PCDHA7: variants seen among roughly 807,000 people sequenced by gnomAD.
The protein encoded by PCDHA7 is protocadherin alpha 7, also known as protocadherin alpha-7.
In PCDHA7, 37 loss-of-function variants were observed where a neutral mutation model predicts 57.2. That is an observed-to-expected ratio of 0.65 (90% CI 0.50 to 0.85). PCDHA7 has a LOEUF of 0.85. Among genes scored for constraint, PCDHA7 ranks in the 40% least tolerant of loss-of-function variants. The pLI is 0.00. For missense variants in PCDHA7, 1,188 were observed against 1,241.8 expected, an observed-to-expected ratio of 0.96 and a Z score of 0.65; for synonymous variants, 553 against 558.8, an observed-to-expected ratio of 0.99 and a Z score of 0.15.
intron 1 of PCDHA7, among the ~76,000 whole-genome samples, chr5:140,896,268 A>T (rs2065469707): frequency 6.6e-6 from 1 of 152,150 alleles, no homozygotes; most frequent in African/African-American, 2.4e-5. Context: ...CAGTTATGGG[A>T]TTTGCTGGCT....
intron 3 of PCDHA7, among the ~76,000 whole-genome samples, chr5:140,993,766 C>T (rs567978996): frequency 9.2e-5 from 14 of 152,082 alleles, no homozygotes; most frequent in African/African-American, 1.7e-4. Context: ...ATTACAATTG[C>T]GCAGTATTTT....
intron 1 of PCDHA7, among the ~76,000 whole-genome samples, chr5:140,892,469 A>G (rs557049666): frequency 1.3e-5 from 2 of 152,302 alleles, no homozygotes; most frequent in South Asian, 4.1e-4. Context: ...ACGGTTATTC[A>G]GTTTCCTAGC....
chr5:140,951,662 G>A (rs1246504133), intron 1 of PCDHA7, among the ~76,000 whole-genome samples: 1 of 152,150 alleles, frequency 6.6e-6, no homozygotes, highest in African/African-American at 2.4e-5. Context: ...ACCAGGGCCT[G>A]CCTACAAAAT....
chr5:140,993,001 TC>T (rs1554253322), intron 3 of PCDHA7, among the ~76,000 whole-genome samples: 4 of 152,124 alleles, frequency 2.6e-5, no homozygotes, highest in Admixed American at 2.6e-4. Context: ...TGAAAGAGCC[TC>T]CCCAGAGTCC....
chr5:140,847,627 T>G (rs886255064), intron 1 of PCDHA7: 2 of 149,354 alleles, frequency 1.3e-5, no homozygotes, highest in Non-Finnish European at 3.0e-5. Flanking sequence ...CAAACTATAT[T>G]GGAGACTACA....
intron 3 of PCDHA7, among the ~76,000 whole-genome samples, chr5:140,992,707 C>T (rs1554253127): frequency 1.3e-5 from 2 of 152,056 alleles, no homozygotes; most frequent in Admixed American, 1.3e-4. Flanking sequence ...AATGTTCCTG[C>T]CAGTATTCGT....
chr5:140,977,899 C>A (rs1193855952), intron 1 of PCDHA7, among the ~76,000 whole-genome samples: 1 of 152,124 alleles, frequency 6.6e-6, no homozygotes, highest in East Asian at 1.9e-4. Context: ...CAAAATACAA[C>A]TTTTATCCCC....
At chr5:140,968,460 C>G (rs1554230749) in intron 1 of PCDHA7, 1 of 1,614,096 alleles carries the variant, frequency 6.2e-7, no homozygotes, top group Non-Finnish European at 8.5e-7. Flanking sequence ...ACTGTGACTG[C>G]CAACGTATAT....
intron 1 of PCDHA7, chr5:140,871,406 T>A: frequency 6.2e-7 from 1 of 1,614,032 alleles, no homozygotes; most frequent in African/African-American, 1.3e-5. Context: ...AAGACGGACC[T>A]CATGGCCTTC....
At chr5:140,967,233 A>G in intron 1 of PCDHA7, 1 of 1,613,728 alleles carries the variant, frequency 6.2e-7, no homozygotes, top group South Asian at 1.1e-5. Context: ...TACCAGCTTC[A>G]GGTAAGCGAA....
intron 1 of PCDHA7, among the ~76,000 whole-genome samples, chr5:140,912,549 A>G (rs2075971399): frequency 6.6e-6 from 1 of 152,152 alleles, no homozygotes; most frequent in East Asian, 1.9e-4. Context: ...TTGTCAGCAA[A>G]CAGCAACAGT....
intron 1 of PCDHA7, among the ~76,000 whole-genome samples, chr5:140,872,413 G>A (rs2053647330): frequency 6.6e-6 from 1 of 151,990 alleles, no homozygotes; most frequent in Admixed American, 6.6e-5. Flanking sequence ...AATTGCTTGA[G>A]CCCAAGAGTT....
chr5:140,937,213 A>AT (rs1339770312), intron 1 of PCDHA7, among the ~76,000 whole-genome samples: 2 of 151,454 alleles, frequency 1.3e-5, no homozygotes, highest in Admixed American at 1.3e-4. Flanking sequence ...AATTTTTTGT[A>AT]TTTTTTGTAG....
At chr5:140,967,051 G>A in intron 1 of PCDHA7, 1 of 1,612,562 alleles carries the variant, frequency 6.2e-7, no homozygotes, top group Non-Finnish European at 8.5e-7. Context: ...TGGACCTGAC[G>A]AGTGGAGCGC....
At chr5:140,919,498 C>A (rs1433099544) in intron 1 of PCDHA7, among the ~76,000 whole-genome samples, 1 of 152,022 alleles carries the variant, frequency 6.6e-6, no homozygotes, top group Non-Finnish European at 1.5e-5. Context: ...TTATTTTACT[C>A]CTTTTTCTAT....
At chr5:140,971,615 G>C (rs2096488487) in intron 1 of PCDHA7, among the ~76,000 whole-genome samples, 1 of 152,030 alleles carries the variant, frequency 6.6e-6, no homozygotes, top group East Asian at 1.9e-4. Flanking sequence ...GGAGAGTCCT[G>C]GGGTACAATT....
At chr5:141,007,395 CAAAAAAAA>C (rs35800918) in intron 3 of PCDHA7, among the ~76,000 whole-genome samples, 98 of 94,844 alleles carry the variant, frequency 1.0e-3, no homozygotes, top group African/African-American at 2.9e-3. Context: ...TACTAAAATA[CAAAAAAAA>C]AAAAAAAAAA....
At position 140,856,909 on chromosome 5, in the gene PCDHA7, G is replaced by A. The variant is rs782127825; in HGVS notation, c.2355+20171G>A. 1.5e-4 allele frequency: 234 copies of A among 1,596,020 alleles called. 23 individuals carry two copies. The highest frequency in any genetic ancestry group is 1.9e-4 in the Non-Finnish European group (221 of 1,165,964). Reference sequence around the variant, plus strand: ...CATTTAGCTCTTTGGTCCCACCCACGATAAGAAGGAAATTTTGGATAAACG... The same window carrying A: ...CATTTAGCTCTTTGGTCCCACCCACAATAAGAAGGAAATTTTGGATAAACG... On this transcript the variant is annotated intron_variant, in intron 1 of 3. Coordinates refer to ENST00000525929, the MANE Select transcript of PCDHA7 (RefSeq NM_018910.3).
intron 1 of PCDHA7, among the ~76,000 whole-genome samples, chr5:140,976,317 G>A (rs1284415282): frequency 6.6e-6 from 1 of 152,212 alleles, no homozygotes; most frequent in Admixed American, 6.5e-5. Context: ...TTGGGAGGCC[G>A]AGGAGGGTGG....
Sources: allele counts gnomAD v4.1 joint callset (sites outside exome capture counted in the v4.1 genomes callset), GRCh38; gene constraint gnomAD v4.1.1; transcripts MANE v1.5; gene names NCBI Gene and HGNC (gene_info 2026-07-23, HGNC 2026-07-21).